Variants in KLHL7 observed in about 807,000 individuals in gnomAD.
KLHL7 encodes the protein kelch-like protein 7.
In KLHL7, 44 loss-of-function variants were observed where a neutral mutation model predicts 67.4. That is an observed-to-expected ratio of 0.65 (90% CI 0.51 to 0.84). KLHL7 has a LOEUF of 0.84. KLHL7 is among the 40% of genes least tolerant of loss of function. The pLI, the probability that KLHL7 is intolerant of heterozygous loss-of-function variation, is 0.00. For missense variants in KLHL7, 362 were observed against 718.1 expected, an observed-to-expected ratio of 0.50 and a Z score of 5.67; for synonymous variants, 252 against 243.3, an observed-to-expected ratio of 1.04 and a Z score of -0.33.
At chr7:23,143,377 G>A (rs1211069644) in intron 5 of KLHL7, among the ~76,000 whole-genome samples, 1 of 152,116 alleles carries the variant, frequency 6.6e-6, no homozygotes, top group Non-Finnish European at 1.5e-5. Flanking sequence ...TTTCTAAAAA[G>A]CAGATAAGTC....
chr7:23,107,965 C>T (rs1451506018), intron 1 of KLHL7, among the ~76,000 whole-genome samples: 1 of 152,194 alleles, frequency 6.6e-6, no homozygotes, highest in Non-Finnish European at 1.5e-5. Flanking sequence ...GAATGACTGA[C>T]AAGGGCAGTT....
In KLHL7 at chr7:23,124,778, C is replaced by G. The variant is rs1171323084; in HGVS notation, c.314C>G (p.Ala105Gly). The G allele has an allele frequency of 6.4e-7, 1 of 1,572,286 alleles. No individual in the cohort carries two copies. Among genetic ancestry groups the G allele is most frequent in the Non-Finnish European group, 8.8e-7 (1 of 1,141,944 alleles). ...IEQLVEFAYTARISVNSNNVQ... is the reference protein window; with the variant it reads ...IEQLVEFAYTGRISVNSNNVQ... Reference sequence around the variant, plus strand: ...CAACTGGTGGAATTTGCTTATACTGCTAGGTGAGTTAAGTATTATTTTTAT... The same window carrying G: ...CAACTGGTGGAATTTGCTTATACTGGTAGGTGAGTTAAGTATTATTTTTAT... Residue 105 changes from alanine to glycine, a missense_variant, in exon 3 of 11, where the codon GCT becomes GGT. Transcript: ENST00000339077.
At chr7:23,149,889 T>C (rs932934988) in intron 6 of KLHL7, among the ~76,000 whole-genome samples, 5 of 152,246 alleles carry the variant, frequency 3.3e-5, no homozygotes, top group Non-Finnish European at 7.3e-5. Flanking sequence ...ATGATAAATA[T>C]TGATAAAGAT....
At chr7:23,119,592 C>T (rs916361407) in intron 1 of KLHL7, among the ~76,000 whole-genome samples, 4 of 152,340 alleles carry the variant, frequency 2.6e-5, no homozygotes, top group Admixed American at 2.6e-4. Flanking sequence ...TGTATAATGA[C>T]ATGTATACAC....
intron 4 of KLHL7, among the ~76,000 whole-genome samples, chr7:23,136,629 A>T (rs945712704): frequency 3.3e-5 from 5 of 152,248 alleles, no homozygotes; most frequent in South Asian, 2.1e-4. Flanking sequence ...CACCTAAAAA[A>T]GAGGAGACAC....
rs1401798077 is a variant in KLHL7, at chr7:23,176,870, A to C, written c.*2572A>C. 6.6e-6 allele frequency: 1 copy of C among 152,272 alleles called. No individual in the cohort carries two copies. The allele number at this position is 152,272 out of a possible 1,614,324, so 9.4% of individuals were successfully genotyped here. A position where few individuals can be genotyped will look rare whatever the true frequency, so the allele number is the denominator to read the frequency against. On this transcript the variant is annotated 3_prime_UTR_variant, in exon 11 of 11. Coordinates refer to ENST00000339077, the MANE Select transcript of KLHL7 (RefSeq NM_001031710.3). ...GCACCTGTAGTCCCAGCTACTCAGG[A>C]GGCTGAGGTAGGAGAATTGCTTGAA... is the stretch of plus-strand genomic sequence containing the variant.
chr7:23,139,822 A>G (rs561217381), intron 4 of KLHL7, among the ~76,000 whole-genome samples: 22 of 152,276 alleles, frequency 1.4e-4, no homozygotes, highest in African/African-American at 5.1e-4. Flanking sequence ...AGAAAAGTAA[A>G]TATTTTAGGC....
chr7:23,131,426 C>A (rs1042302471), intron 4 of KLHL7, among the ~76,000 whole-genome samples: 1 of 152,064 alleles, frequency 6.6e-6, no homozygotes, highest in Non-Finnish European at 1.5e-5. Context: ...TGAATCAAGG[C>A]TTTAAAGAGG....
intron 1 of KLHL7, chr7:23,106,911 T>TATAAATAAAGCTTACA: frequency 1.3e-6 from 1 of 741,636 alleles, no homozygotes; most frequent in Non-Finnish European, 1.6e-6. Flanking sequence ...TTTTCCTTTC[T>TATAAATAAAGCTTACA]GTAAGCTTTA....
intron 6 of KLHL7, among the ~76,000 whole-genome samples, chr7:23,151,548 A>G (rs1217070022): frequency 2.6e-5 from 4 of 152,198 alleles, no homozygotes; most frequent in Admixed American, 6.6e-5. Context: ...GGGATTCAGC[A>G]TTTCTAACAA....
chr7:23,156,141 A>T (rs2128467803), intron 7 of KLHL7: 1 of 296,064 alleles, frequency 3.4e-6, no homozygotes, highest in Non-Finnish European at 6.8e-6. Flanking sequence ...TTGAGGAATG[A>T]ACTACCAATA....
chr7:23,136,057 C>T (rs1280617476), intron 4 of KLHL7, among the ~76,000 whole-genome samples: 1 of 152,166 alleles, frequency 6.6e-6, no homozygotes, highest in East Asian at 1.9e-4. Flanking sequence ...AACTCTTCTG[C>T]TGCCATGAGA....
chr7:23,167,021 A>G (rs1785021555), intron 8 of KLHL7, among the ~76,000 whole-genome samples: 1 of 152,088 alleles, frequency 6.6e-6, no homozygotes, highest in Admixed American at 6.5e-5. Context: ...CACAGACCTT[A>G]GTTGCAACGC....
intron 1 of KLHL7, among the ~76,000 whole-genome samples, chr7:23,122,351 C>T (rs1214900550): frequency 1.3e-5 from 2 of 152,066 alleles, no homozygotes; most frequent in Non-Finnish European, 2.9e-5. Context: ...ACTCCCCACC[C>T]CTTTCTCCCT....
chr7:23,150,771 A>G (rs2128466587), intron 6 of KLHL7, among the ~76,000 whole-genome samples: 1 of 152,340 alleles, frequency 6.6e-6, no homozygotes, highest in South Asian at 2.1e-4. Flanking sequence ...CAACCATATT[A>G]TACCCTGTGG....
chr7:23,157,193 A>G (rs1388796297), intron 7 of KLHL7, among the ~76,000 whole-genome samples: 1 of 152,244 alleles, frequency 6.6e-6, no homozygotes, highest in Non-Finnish European at 1.5e-5. Context: ...TTATAGCAGT[A>G]TATCAGTAGC....
intron 1 of KLHL7, chr7:23,118,018 GCAGTTGACTGCATGCCTCTTA>G: frequency 6.3e-7 from 1 of 1,594,970 alleles, no homozygotes; most frequent in Non-Finnish European, 8.6e-7. Context: ...AGAACGTGGG[GCAGTTGACTGCATGCCTCTTA>G]CTAATGACAG....
At chr7:23,108,459 T>A (rs978321646) in intron 1 of KLHL7, among the ~76,000 whole-genome samples, 3 of 152,158 alleles carry the variant, frequency 2.0e-5, no homozygotes, top group Non-Finnish European at 2.9e-5. Flanking sequence ...AGGGCACAAA[T>A]CATAAATGTA....
Position 23,167,888 on chromosome 7 carries a change from G to C in KLHL7, c.1230G>C (p.Trp410Cys). 1 of 1,614,182 alleles carries C rather than the reference G, an allele frequency of 6.2e-7. No individual in the cohort carries two copies. Among genetic ancestry groups the C allele is most frequent in the Non-Finnish European group, 8.5e-7 (1 of 1,180,036 alleles). ...GCTATGATACGAGAACTGAAAGCTG[G>C]CACACAAAGCCCAGCATGCTGACCC... is the stretch of plus-strand genomic sequence containing the variant. The part of the protein sequence containing the change: ...FECYDTRTES[W>C]HTKPSMLTQR... Residue 410 changes from tryptophan (W) to cysteine (C), a missense_variant, in exon 9 of 11, where the codon TGG becomes TGC. This residue lies in a region of KLHL7 where 136 missense variants were observed against 252.7 expected (regional missense o/e 0.54). Coordinates refer to ENST00000339077, the MANE Select transcript of KLHL7 (RefSeq NM_001031710.3).
Sources: gnomAD v4.1 joint callset for allele counts (sites outside exome capture counted in the v4.1 genomes callset) on GRCh38, gnomAD v4.1.1 for gene constraint, gnomAD v4.1.1 regional missense constraint, MANE v1.5 for transcripts, NCBI Gene and HGNC (gene_info 2026-07-23, HGNC 2026-07-21) for gene names.